MTPAP: variants seen among roughly 807,000 people sequenced by gnomAD.
MTPAP encodes the protein poly(A) RNA polymerase, mitochondrial.
Under a neutral mutation model 48.7 loss-of-function variants are expected in MTPAP, and 23 were observed. The ratio of observed to expected loss-of-function variants is 0.47; its 90% confidence interval spans 0.34 to 0.67. The LOEUF (loss-of-function observed/expected upper bound fraction) is 0.67. Ranked by LOEUF, MTPAP falls within the 30% of genes least tolerant of loss-of-function variation. The probability of loss-of-function intolerance (pLI) is 0.01; values close to 1 mark genes in which losing one functional copy is unlikely to be tolerated. For missense variants in MTPAP, 614 were observed against 694.3 expected (o/e 0.88, Z 1.30); for synonymous variants, 257 against 254.1 (o/e 1.01, Z -0.11).
At chr10:30,325,216 TA>T (rs1834570251) in intron 5 of MTPAP, among the ~76,000 whole-genome samples, 1 of 152,216 alleles carries the variant, frequency 6.6e-6, no homozygotes, top group African/African-American at 2.4e-5. Flanking sequence ...TACAGTATTA[TA>T]TTTTTATACT....
chr10:30,328,957 CAG>C (rs1398068701), intron 4 of MTPAP, among the ~76,000 whole-genome samples: 1 of 151,988 alleles, frequency 6.6e-6, no homozygotes, highest in Non-Finnish European at 1.5e-5. Context: ...GTTTTTGAAA[CAG>C]GGTATCATAG....
chr10:30,313,548 C>T lies in MTPAP; in HGVS notation c.*61G>A. 1 of 1,605,814 alleles carries T rather than the reference C, an allele frequency of 6.2e-7. No individual in the cohort carries two copies. Among genetic ancestry groups the T allele is most frequent in the Non-Finnish European group, 8.5e-7 (1 of 1,174,758 alleles). On this transcript the variant is annotated 3_prime_UTR_variant, in exon 9 of 9. Coordinates refer to ENST00000263063, the MANE Select transcript of MTPAP (RefSeq NM_018109.4). The stretch of plus-strand genomic sequence containing the variant: ...TGTGAAAGTTTCAAATCAGTTTTTC[C>T]AAGTAAGTCCACAGACCATTTGATA...
At chr10:30,314,884 CAAAAA>C (rs34249388) in intron 8 of MTPAP, among the ~76,000 whole-genome samples, 6 of 110,744 alleles carry the variant, frequency 5.4e-5, no homozygotes, top group South Asian at 2.8e-4. Context: ...AAAACAAAAA[CAAAAA>C]AAAAAAAAAA....
In MTPAP at chr10:30,336,929, G is replaced by A. The variant is rs761142787; in HGVS notation, c.654C>T (p.Ala218=). ...YLTCSLIEDM[A]AAYFPDCIVR... ...CTATGCAGTCTGGAAAATACGCGGC[G>A]GCCATGTCTTCAATAAGAGAACAGG... Residue 218 remains alanine, a synonymous_variant, in exon 4 of 9, where the codon GCC becomes GCT. Coordinates refer to ENST00000263063, the MANE Select transcript of MTPAP (RefSeq NM_018109.4). 66 of 1,613,232 alleles carry A rather than the reference G, an allele frequency of 4.1e-5. No individual in the cohort carries two copies. The highest frequency in any genetic ancestry group is 4.9e-5 in the Non-Finnish European group (58 of 1,179,892).
chr10:30,349,125 C>G lies in MTPAP; in HGVS notation c.151G>C (p.Glu51Gln). 1 of 1,613,718 alleles carries G rather than the reference C, an allele frequency of 6.2e-7. No homozygotes were observed. Among genetic ancestry groups the G allele is most frequent in the Admixed American group, 1.7e-5 (1 of 59,984 alleles). The change falls in exon 1 of 9, where the codon GAG becomes CAG. Residue 51 changes from glutamate (E) to glutamine (Q), a missense_variant. Glu to Gln is a conservative substitution (Grantham distance 29, BLOSUM62 2). Transcript: ENST00000263063. ...RRDEQPSGSV[E>Q]TGFEDKIPKR... ...GGCAAACCGGCGCCATCACCTGTCT[C>G]CACGCTCCCTGAAGGCTGCTCGTCT...
intron 4 of MTPAP, among the ~76,000 whole-genome samples, chr10:30,335,838 C>T (rs941716606): frequency 2.0e-5 from 3 of 151,814 alleles, no homozygotes; most frequent in African/African-American, 7.3e-5. Flanking sequence ...GGTAAAACCC[C>T]GTCTCTACTA....
At chr10:30,342,130 G>A (rs1438940701) in intron 1 of MTPAP, among the ~76,000 whole-genome samples, 1 of 152,042 alleles carries the variant, frequency 6.6e-6, no homozygotes, top group African/African-American at 2.4e-5. Context: ...CAGCTACTTG[G>A]GAGGCTGAAA....
At chr10:30,345,892 C>G (rs1834868258) in intron 1 of MTPAP, among the ~76,000 whole-genome samples, 1 of 151,694 alleles carries the variant, frequency 6.6e-6, no homozygotes, top group East Asian at 1.9e-4. Context: ...ACTAAAAATA[C>G]AAAAAATTAA....
chr10:30,346,988 A>G (rs1834880467), intron 1 of MTPAP, among the ~76,000 whole-genome samples: 1 of 152,190 alleles, frequency 6.6e-6, no homozygotes. Flanking sequence ...TCTCACACTG[A>G]CCACGTCAAA....
chr10:30,340,425 C>T lies in MTPAP; in HGVS notation c.356G>A (p.Cys119Tyr). The T allele has an allele frequency of 6.2e-7, 1 of 1,614,016 alleles. No homozygotes were observed. Among genetic ancestry groups the T allele is most frequent in the Non-Finnish European group, 8.5e-7 (1 of 1,179,964 alleles). Residue 119 changes from cysteine (C) to tyrosine (Y), a missense_variant, in exon 3 of 9, where the codon TGC becomes TAC. By Grantham distance (194) the Cys-to-Tyr change is radical. This residue lies in a region of MTPAP where 114 missense variants were observed against 107.9 expected (regional missense o/e 1.06). Transcript: ENST00000263063. ...CAGTGAACCTATGCTTTCCTTTTGG[C>T]AAAATTCTACGACAGCATAGAGACC... ...SFGLYAVVEF[C>Y]QKESIGSLQN...
At chr10:30,338,541 G>A (rs1017093315) in intron 3 of MTPAP, among the ~76,000 whole-genome samples, 1 of 152,036 alleles carries the variant, frequency 6.6e-6, no homozygotes, top group Non-Finnish European at 1.5e-5. Context: ...CAGGTGTGAT[G>A]GCGCGTGCCT....
intron 1 of MTPAP, among the ~76,000 whole-genome samples, chr10:30,346,383 A>G (rs1407267760): frequency 6.6e-6 from 1 of 152,220 alleles, no homozygotes; most frequent in African/African-American, 2.4e-5. Flanking sequence ...AGGAATAACA[A>G]AAAGTCTAGA....
intron 1 of MTPAP, among the ~76,000 whole-genome samples, chr10:30,343,559 A>T (rs2132870794): frequency 6.6e-6 from 1 of 151,774 alleles, no homozygotes; most frequent in Middle Eastern, 3.4e-3. Context: ...CCACTATCTT[A>T]CTATCTTTTT....
At chr10:30,315,553 C>T (rs961236581) in intron 8 of MTPAP, among the ~76,000 whole-genome samples, 6 of 151,390 alleles carry the variant, frequency 4.0e-5, no homozygotes, top group African/African-American at 1.2e-4. Context: ...CACCTAAATC[C>T]TAAGGGCTCA....
chr10:30,332,688 A>G (rs1384914941), intron 4 of MTPAP, among the ~76,000 whole-genome samples: 2 of 152,170 alleles, frequency 1.3e-5, no homozygotes, highest in East Asian at 3.9e-4. Flanking sequence ...AGTAAGACTC[A>G]ACTAAAAGTT....
intron 8 of MTPAP, 31 bp from the exon 9 acceptor site, chr10:30,314,002 G>GT: frequency 6.2e-7 from 1 of 1,605,780 alleles, no homozygotes; most frequent in South Asian, 1.1e-5. Flanking sequence ...GAAAAAATGA[G>GT]TAAGTACATG....
At position 30,326,515 on chromosome 10, in the gene MTPAP, C is replaced by T. The variant is rs1240308729; in HGVS notation, c.901G>A (p.Gly301Ser). 1.9e-6 allele frequency: 3 copies of T among 1,613,938 alleles called. No homozygotes were observed. The highest frequency in any genetic ancestry group is 2.5e-6 in the Non-Finnish European group (3 of 1,180,026). The change falls in exon 5 of 9, where the codon GGT becomes AGT. Residue 301 changes from glycine (G) to serine (S), a missense_variant. Coordinates refer to ENST00000263063, the MANE Select transcript of MTPAP (RefSeq NM_018109.4). ...CGGGCATTTAATATTTTTTGCACAC[C>T]CACACAGCCAGGGCCAAAGTGGTCA... ...CLDHFGPGCV[G>S]VQKILNARCP...
At chr10:30,320,222 C>T (rs1327874168) in intron 6 of MTPAP, among the ~76,000 whole-genome samples, 1 of 152,186 alleles carries the variant, frequency 6.6e-6, no homozygotes, top group Non-Finnish European at 1.5e-5. Flanking sequence ...AAGATTGCAC[C>T]ACTGCACTCC....
intron 5 of MTPAP, among the ~76,000 whole-genome samples, chr10:30,324,886 T>G (rs1195967906): frequency 6.6e-6 from 1 of 151,808 alleles, no homozygotes; most frequent in African/African-American, 2.4e-5. Context: ...CTCGGAAGGC[T>G]GAGGCAGGAG....
Sources: allele counts gnomAD v4.1 joint callset (sites outside exome capture counted in the v4.1 genomes callset), GRCh38; gene constraint gnomAD v4.1.1; regional missense constraint gnomAD v4.1.1; transcripts MANE v1.5; gene names NCBI Gene and HGNC (gene_info 2026-07-23, HGNC 2026-07-21).